Variants in KAZN observed in about 807,000 individuals in gnomAD.
KAZN encodes kazrin, periplakin interacting protein.
In KAZN, 40 loss-of-function variants were observed where a neutral mutation model predicts 87.4. The ratio of observed to expected loss-of-function variants is 0.46; its 90% CI spans 0.36 to 0.60. KAZN has a LOEUF of 0.60. Among genes scored for constraint, KAZN ranks in the 20% least tolerant of loss-of-function variants. The probability of loss-of-function intolerance (pLI) is 0.00; values close to 1 mark genes in which losing one functional copy is unlikely to be tolerated. For missense variants in KAZN, 898 were observed against 1,073.9 expected, an observed-to-expected ratio of 0.84 and a Z score of 2.29; for synonymous variants, 466 against 458.3, an observed-to-expected ratio of 1.02 and a Z score of -0.22.
intron 1 of KAZN, among the ~76,000 whole-genome samples, chr1:14,619,211 T>C (rs1449180982): frequency 6.6e-6 from 1 of 152,088 alleles, no homozygotes; most frequent in Non-Finnish European, 1.5e-5. Flanking sequence ...GGTTTTTTTT[T>C]TTTTAAGACA....
Position 14,960,781 on chromosome 1 carries a change from C to T in KAZN, c.324C>T (p.Gly108=), listed in dbSNP as rs575555956. The change falls in exon 2 of 15, where the codon GGC becomes GGT. Residue 108 remains glycine (G), a synonymous_variant. Coordinates refer to ENST00000376030, the MANE Select transcript of KAZN (RefSeq NM_201628.3). ...CGAAGGACCTGGAGGAGTCGCAGGG[C>T]GGCAAGTCCTCTGAGGTCCTCTCGG... The part of the protein sequence containing the change: ...MLAKDLEESQ[G]GKSSEVLSAT... 20 of 1,610,712 alleles carry T rather than the reference C, an allele frequency of 1.2e-5. No homozygotes were observed. The highest frequency in any genetic ancestry group is 6.7e-5 in the Admixed American group (4 of 59,558).
At chr1:14,865,394 T>G (rs1651335131) in intron 1 of KAZN, among the ~76,000 whole-genome samples, 1 of 152,230 alleles carries the variant, frequency 6.6e-6, no homozygotes, top group Admixed American at 6.5e-5. Context: ...TTAGCAGAGA[T>G]GACAGATCTT....
intron 1 of KAZN, among the ~76,000 whole-genome samples, chr1:14,036,700 G>T (rs1377487162): frequency 6.6e-6 from 1 of 151,996 alleles, no homozygotes; most frequent in Non-Finnish European, 1.5e-5. Context: ...AGTAAAACAG[G>T]TATTTAAATC....
chr1:14,977,375 C>T lies in KAZN; in HGVS notation c.418+16500C>T, dbSNP rs548495393. 2.7e-3 allele frequency among the ~76,000 whole-genome samples: 418 copies of T among 152,330 alleles called. 3 individuals are homozygous for T. The highest frequency in any genetic ancestry group is 3.5e-3 in the Non-Finnish European group (235 of 68,032). ...GGGTGAGGAGCTGAGGGAGCACTCA[C>T]ACCCTCAGGTATGTACCCATGGTTC... is the stretch of plus-strand genomic sequence containing the variant. On this transcript the variant is annotated intron_variant, in intron 2 of 14. Transcript: ENST00000376030.
At chr1:14,888,466 T>C (rs1006388303) in intron 1 of KAZN, among the ~76,000 whole-genome samples, 3 of 152,180 alleles carry the variant, frequency 2.0e-5, no homozygotes, top group African/African-American at 7.2e-5. Flanking sequence ...CAAAGCTCTT[T>C]CCAGCTGCTA....
intron 1 of KAZN, among the ~76,000 whole-genome samples, chr1:14,096,890 C>G (rs1644141315): frequency 6.6e-6 from 1 of 152,184 alleles, no homozygotes; most frequent in Non-Finnish European, 1.5e-5. Flanking sequence ...CTACCTCTAC[C>G]TTAAAGAATG....
At chr1:14,000,086 C>T (rs1357874419) in intron 1 of KAZN, among the ~76,000 whole-genome samples, 5 of 152,164 alleles carry the variant, frequency 3.3e-5, no homozygotes, top group African/African-American at 1.2e-4. Context: ...AAGTCCAGGA[C>T]CAGACGGATT....
At chr1:14,883,641 A>G (rs1282672616) in intron 1 of KAZN, among the ~76,000 whole-genome samples, 1 of 151,934 alleles carries the variant, frequency 6.6e-6, no homozygotes, top group East Asian at 2.0e-4. Flanking sequence ...CCTGCACACA[A>G]TATTGGATCT....
chr1:14,922,240 T>C (rs1017752971), intron 1 of KAZN, among the ~76,000 whole-genome samples: 2 of 152,230 alleles, frequency 1.3e-5, no homozygotes, highest in African/African-American at 4.8e-5. Flanking sequence ...CACTCATTTA[T>C]GTTCCCAGGC....
intron 2 of KAZN, among the ~76,000 whole-genome samples, chr1:14,181,460 C>T (rs1202684075): frequency 1.3e-5 from 2 of 152,174 alleles, no homozygotes; most frequent in Non-Finnish European, 2.9e-5. Flanking sequence ...TGTTTCTACG[C>T]TGGTAGTGGT....
intron 2 of KAZN, among the ~76,000 whole-genome samples, chr1:14,439,172 T>G (rs1481427217): frequency 6.6e-6 from 1 of 152,198 alleles, no homozygotes; most frequent in Non-Finnish European, 1.5e-5. Flanking sequence ...TCACAGTGTC[T>G]TCTTCTCAGA....
chr1:14,922,224 C>T (rs114220636), intron 1 of KAZN, among the ~76,000 whole-genome samples: 1,595 of 152,282 alleles, frequency 0.01, 24 homozygotes, highest in African/African-American at 0.026. Context: ...CCTGCTCAAC[C>T]CAGCTCACTC....
At chr1:14,418,472 C>T (rs1356338206) in intron 2 of KAZN, among the ~76,000 whole-genome samples, 1 of 152,066 alleles carries the variant, frequency 6.6e-6, no homozygotes, top group African/African-American at 2.4e-5. Flanking sequence ...AAATAACATT[C>T]TACCTCTATG....
At chr1:14,078,349 G>C (rs565106613) in intron 1 of KAZN, among the ~76,000 whole-genome samples, 80 of 152,308 alleles carry the variant, frequency 5.3e-4, no homozygotes, top group African/African-American at 1.9e-3. Flanking sequence ...GGCAGCAACA[G>C]GCATTTAATA....
At chr1:13,925,165 G>A (rs1034495914) in intron 1 of KAZN, among the ~76,000 whole-genome samples, 4 of 152,160 alleles carry the variant, frequency 2.6e-5, no homozygotes, top group African/African-American at 9.7e-5. Context: ...CACAGCGATG[G>A]GATCATAGAT....
intron 1 of KAZN, among the ~76,000 whole-genome samples, chr1:14,891,268 T>C (rs1302425009): frequency 1.3e-5 from 2 of 152,168 alleles, no homozygotes. Context: ...ACCATAGCAG[T>C]ATACGCTGAA....
At chr1:14,521,099 G>A (rs756181419) in intron 2 of KAZN, among the ~76,000 whole-genome samples, 1 of 152,196 alleles carries the variant, frequency 6.6e-6, no homozygotes, top group Non-Finnish European at 1.5e-5. Flanking sequence ...AGTAATGGAT[G>A]TCCTATGTGC....
In KAZN at chr1:14,875,491, AAAAAAAG is replaced by A. The variant is rs1355869498; in HGVS notation, c.227-85179_227-85173del. Among the ~76,000 whole-genome samples the A allele has an allele frequency of 5.1e-4, 77 of 150,862 alleles. 1 individual carries two copies. Among genetic ancestry groups the A allele is most frequent in the Middle Eastern group, 6.8e-3 (2 of 294 alleles). Reference sequence around the variant, plus strand: ...ATTGTCCTTAATTTATTAAAAAAAAAAAAAAAGAAAAAAGAAAAAAAAACTATTTTCA... The same window carrying A: ...ATTGTCCTTAATTTATTAAAAAAAAAAAAAAAGAAAAAAAAACTATTTTCA... On this transcript the variant is annotated intron_variant, in intron 1 of 14. Coordinates refer to ENST00000376030, the MANE Select transcript of KAZN (RefSeq NM_201628.3).
chr1:14,212,718 A>G (rs900854669), intron 2 of KAZN, among the ~76,000 whole-genome samples: 4 of 152,114 alleles, frequency 2.6e-5, no homozygotes, highest in African/African-American at 4.8e-5. Context: ...ACATCTTACT[A>G]TTTCTAACCT....
Sources: allele counts gnomAD v4.1 joint callset (sites outside exome capture counted in the v4.1 genomes callset), GRCh38; gene constraint gnomAD v4.1.1; transcripts MANE v1.5; gene names NCBI Gene and HGNC (gene_info 2026-07-23, HGNC 2026-07-21).